The following TDG variants were observed in gnomAD, a reference collection of about 807,000 sequenced individuals.
TDG encodes thymine DNA glycosylase, also known as G/T mismatch-specific thymine DNA glycosylase.
A neutral mutation model predicts 46.1 loss-of-function variants in TDG; 23 were observed. That is an observed-to-expected ratio of 0.50 (90% CI 0.36 to 0.71). The LOEUF is 0.71. TDG is among the 30% of genes least tolerant of loss of function. TDG has a pLI of 0.00. For synonymous variants in TDG, 115 were observed against 161.3 expected, an observed-to-expected ratio of 0.71 and a Z score of 2.18; for missense variants, 304 against 486.7, an observed-to-expected ratio of 0.62 and a Z score of 3.53.
At chr12:103,986,300 A>G (rs4135137) in intron 9 of TDG, 12,295 of 152,326 alleles carry the variant, frequency 0.081, 706 homozygotes, top group East Asian at 0.22. Flanking sequence ...TGAGTCCTGT[A>G]TCTGAAGAAC....
intron 1 of TDG, among the ~76,000 whole-genome samples, chr12:103,966,557 G>A (rs952425095): frequency 6.6e-6 from 1 of 152,042 alleles, no homozygotes; most frequent in South Asian, 2.1e-4. Flanking sequence ...TTTGTTGTGG[G>A]CATATGTATA....
At chr12:103,985,166 TACACACACACAC>T (rs375705839) in intron 8 of TDG, among the ~76,000 whole-genome samples, 70 of 138,518 alleles carry the variant, frequency 5.1e-4, no homozygotes, top group South Asian at 1.2e-3. Flanking sequence ...TATAGACACA[TACACACACACAC>T]ACACACACAC....
intron 1 of TDG, among the ~76,000 whole-genome samples, chr12:103,969,568 C>T (rs1249466512): frequency 6.6e-6 from 1 of 152,204 alleles, no homozygotes; most frequent in African/African-American, 2.4e-5. Flanking sequence ...GTGGAATTAA[C>T]TGATTGATTT....
At position 103,987,852 on chromosome 12, in the gene TDG, T is replaced by C. The variant is rs1208761967; in HGVS notation, c.*762T>C. The C allele has an allele frequency of 1.3e-5, 2 of 152,634 alleles. No homozygotes were observed. Among genetic ancestry groups the C allele is most frequent in the Admixed American group, 6.5e-5 (1 of 15,290 alleles). The allele number at this position is 152,634 out of a possible 1,614,324, so 9.5% of individuals were successfully genotyped here. ...AACTGAATTTCTCCATTCATATTTA[T>C]AACCATTCTAGTTTTATCTTCCTTG... On this transcript the variant is annotated 3_prime_UTR_variant, in exon 10 of 10. Transcript: ENST00000392872.
In TDG at chr12:103,977,019, A is replaced by C; in HGVS notation, c.125A>C (p.Glu42Ala). The change falls in exon 2 of 10, where the codon GAA (glutamate) becomes GCA (alanine). Residue 42 changes from glutamate (E) to alanine (A), a missense_variant. Coordinates refer to ENST00000392872, the MANE Select transcript of TDG (RefSeq NM_003211.6). ...MAVVNEQQMP[E>A]EVPAPAPAQE... ...GTTGTGAATGAACAGCAAATGCCAG[A>C]AGAAGTTCCAGCCCCAGCTCCTGCT... 1 of 1,612,138 alleles carries C rather than the reference A, an allele frequency of 6.2e-7. No individual in the cohort carries two copies. Among genetic ancestry groups the C allele is most frequent in the Non-Finnish European group, 8.5e-7 (1 of 1,179,868 alleles).
chr12:103,966,507 G>T (rs4135042), intron 1 of TDG, among the ~76,000 whole-genome samples: 1 of 152,002 alleles, frequency 6.6e-6, no homozygotes, highest in South Asian at 2.1e-4. Flanking sequence ...CACCCCAAAG[G>T]CCTACTGAAA....
At chr12:103,966,260 G>GT (rs1241988111) in intron 1 of TDG, among the ~76,000 whole-genome samples, 200 bp downstream of exon 1, 1 of 152,220 alleles carries the variant, frequency 6.6e-6, no homozygotes, top group Non-Finnish European at 1.5e-5. Flanking sequence ...TGCTCTGAGG[G>GT]TTACCTGGTG....
At chr12:103,984,505 A>T (rs1872010523) in intron 7 of TDG, among the ~76,000 whole-genome samples, 1 of 152,152 alleles carries the variant, frequency 6.6e-6, no homozygotes, top group Non-Finnish European at 1.5e-5. Context: ...GAGGCAGAAG[A>T]ATCGCTTGAA....
At chr12:103,967,611 C>T (rs1267689179) in intron 1 of TDG, among the ~76,000 whole-genome samples, 4 of 151,898 alleles carry the variant, frequency 2.6e-5, no homozygotes, top group Non-Finnish European at 4.4e-5. Flanking sequence ...CACCTGCCAC[C>T]AGGCCTGGCT....
Position 103,976,911 on chromosome 12 carries a change from C to A in TDG, c.24-7C>A. 1 of 1,612,038 alleles carries A rather than the reference C, an allele frequency of 6.2e-7. No homozygotes were observed. The highest frequency in any genetic ancestry group is 1.1e-5 in the South Asian group (1 of 90,326). On this transcript the variant is annotated splice_region_variant and splice_polypyrimidine_tract_variant and intron_variant, in intron 1 of 9. Transcript: ENST00000392872. ...TCATTACATCTCATGCTTCATTATT[C>A]TTTCAGCTATTCCCTTCAGCAAGCT...
At chr12:103,980,202 T>A in intron 3 of TDG, 130 bp downstream of exon 3, 1 of 1,305,956 alleles carries the variant, frequency 7.7e-7, no homozygotes, top group Non-Finnish European at 1.1e-6. Flanking sequence ...GTAAATGGTG[T>A]CAGCTTCATG....
At position 103,977,026 on chromosome 12, in the gene TDG, T is replaced by A; in HGVS notation, c.132T>A (p.Val44=). Residue 44 remains valine, a synonymous_variant, in exon 2 of 10, where the codon GTT becomes GTA. Coordinates refer to ENST00000392872, the MANE Select transcript of TDG (RefSeq NM_003211.6). ...ATGAACAGCAAATGCCAGAAGAAGT[T>A]CCAGCCCCAGCTCCTGCTCAGGAAC... ...VVNEQQMPEE[V]PAPAPAQEPV... 1 of 1,613,648 alleles carries A rather than the reference T, an allele frequency of 6.2e-7. No homozygotes were observed. Among genetic ancestry groups the A allele is most frequent in the Non-Finnish European group, 8.5e-7 (1 of 1,179,890 alleles).
chr12:103,966,761 A>C (rs1164855503), intron 1 of TDG, among the ~76,000 whole-genome samples: 1 of 152,208 alleles, frequency 6.6e-6, no homozygotes, highest in Admixed American at 6.5e-5. Context: ...GTTTTTTAAA[A>C]GATAAAGAGT....
intron 2 of TDG, 21 bp from the exon 3 acceptor site, chr12:103,979,810 T>C (rs1871732775): frequency 1.9e-6 from 3 of 1,541,286 alleles, no homozygotes; most frequent in Non-Finnish European, 2.6e-6. Flanking sequence ...TCTGCATTTC[T>C]GGAAATTATT....
chr12:103,974,987 A>G (rs1327158836), intron 1 of TDG, among the ~76,000 whole-genome samples: 8 of 149,238 alleles, frequency 5.4e-5, no homozygotes, highest in Non-Finnish European at 1.2e-4. Context: ...AAAAAAAAAA[A>G]AAAAAAGAAA....
intron 2 of TDG, among the ~76,000 whole-genome samples, chr12:103,979,576 C>T (rs574156024): frequency 4.6e-5 from 7 of 152,126 alleles, no homozygotes; most frequent in Admixed American, 1.3e-4. Context: ...AATACTGTGT[C>T]GAAAATAATA....
intron 4 of TDG, among the ~76,000 whole-genome samples, chr12:103,981,424 G>A (rs1169965231): frequency 1.3e-5 from 2 of 151,818 alleles, no homozygotes; most frequent in African/African-American, 2.4e-5. Flanking sequence ...TAGTAGAGAC[G>A]GGGTGTCTCC....
At chr12:103,974,813 A>G (rs1593510490) in intron 1 of TDG, among the ~76,000 whole-genome samples, 1 of 151,866 alleles carries the variant, frequency 6.6e-6, no homozygotes, top group Admixed American at 6.6e-5. Context: ...TACTAAAAAT[A>G]TAAAAAAAAA....
chr12:103,978,990 C>T (rs1021499138), intron 2 of TDG, among the ~76,000 whole-genome samples: 3 of 152,122 alleles, frequency 2.0e-5, no homozygotes, highest in African/African-American at 7.2e-5. Context: ...AAAATACTGC[C>T]AGCCCAGAGA....
Sources: gnomAD v4.1 joint callset for allele counts (sites outside exome capture counted in the v4.1 genomes callset) on GRCh38, gnomAD v4.1.1 for gene constraint, MANE v1.5 for transcripts, NCBI Gene and HGNC (gene_info 2026-07-23, HGNC 2026-07-21) for gene names.